BMERB1: variants seen among roughly 807,000 people sequenced by gnomAD.
The protein encoded by BMERB1 is bMERB domain-containing protein 1.
BMERB1 carries 12 observed loss-of-function variants against 23.6 expected under a neutral mutation model. The observed-to-expected ratio is 0.51, with a 90% CI of 0.33 to 0.82. The LOEUF (loss-of-function observed/expected upper bound fraction) is 0.82. BMERB1 is among the 40% of genes least tolerant of loss of function. The pLI is 0.03. For synonymous variants in BMERB1, 122 were observed against 96.6 expected, an observed-to-expected ratio of 1.26 and a Z score of -1.54; for missense variants, 247 against 255.4, an observed-to-expected ratio of 0.97 and a Z score of 0.22.
intron 2 of BMERB1, among the ~76,000 whole-genome samples, chr16:15,553,834 G>A (rs779870536): frequency 4.6e-5 from 7 of 152,128 alleles, no homozygotes; most frequent in African/African-American, 7.2e-5. Context: ...TAGACAGAAG[G>A]TCAAAGGGAG....
chr16:15,550,661 G>C (rs564993525), intron 2 of BMERB1, among the ~76,000 whole-genome samples: 177 of 152,224 alleles, frequency 1.2e-3, no homozygotes, highest in African/African-American at 3.8e-3. Flanking sequence ...GAAGGCTCCT[G>C]ACTGAAAGAA....
At chr16:15,434,870 C>A in intron 1 of BMERB1, 111 bp downstream of exon 1, 1 of 901,852 alleles carries the variant, frequency 1.1e-6, no homozygotes, top group Non-Finnish European at 1.7e-6. Flanking sequence ...GGGAAGCGCC[C>A]CCGCAGCGGG....
At chr16:15,464,578 T>C (rs2051165838) in intron 1 of BMERB1, among the ~76,000 whole-genome samples, 1 of 152,196 alleles carries the variant, frequency 6.6e-6, no homozygotes, top group Non-Finnish European at 1.5e-5. Context: ...AGAGGTGGAT[T>C]ATTCATGAGT....
At chr16:15,494,908 G>A (rs1362085823) in intron 1 of BMERB1, among the ~76,000 whole-genome samples, 1 of 136,506 alleles carries the variant, frequency 7.3e-6, no homozygotes, top group Non-Finnish European at 1.5e-5. Flanking sequence ...TTTTGAGAAG[G>A]AGTCTTGCTC....
intron 1 of BMERB1, among the ~76,000 whole-genome samples, chr16:15,487,100 T>C (rs930175000): frequency 6.6e-6 from 1 of 152,218 alleles, no homozygotes; most frequent in Admixed American, 6.5e-5. Flanking sequence ...AAAATAGGGC[T>C]GAATAACCAT....
chr16:15,448,784 T>A (rs555962018), intron 1 of BMERB1, among the ~76,000 whole-genome samples: 1 of 152,134 alleles, frequency 6.6e-6, no homozygotes, highest in African/African-American at 2.4e-5. Flanking sequence ...AGAGCAAGAA[T>A]CTGTCTCAAA....
intron 1 of BMERB1, among the ~76,000 whole-genome samples, chr16:15,448,770 C>T (rs2051013207): frequency 6.6e-6 from 1 of 152,014 alleles, no homozygotes; most frequent in Non-Finnish European, 1.5e-5. Flanking sequence ...CAAGCCTAGG[C>T]GACAGAGCAA....
intron 1 of BMERB1, among the ~76,000 whole-genome samples, chr16:15,435,678 C>T (rs958306407): frequency 6.6e-6 from 1 of 152,206 alleles, no homozygotes. Context: ...CGCTCTGCCC[C>T]AGCACGGATC....
chr16:15,565,308 A>G (rs2030533944), intron 2 of BMERB1, among the ~76,000 whole-genome samples: 1 of 152,196 alleles, frequency 6.6e-6, no homozygotes, highest in Non-Finnish European at 1.5e-5. Context: ...GCATGAGTAA[A>G]ATGAAAATAT....
chr16:15,524,127 A>G (rs2051882908), intron 2 of BMERB1, among the ~76,000 whole-genome samples: 1 of 152,208 alleles, frequency 6.6e-6, no homozygotes, highest in South Asian at 2.1e-4. Context: ...GTAACTTGAC[A>G]CATTTCAGCC....
chr16:15,485,193 C>A (rs370655477), intron 1 of BMERB1, among the ~76,000 whole-genome samples: 1 of 152,200 alleles, frequency 6.6e-6, no homozygotes, highest in South Asian at 2.1e-4. Flanking sequence ...GAAGAGGTGG[C>A]GGTAGAATAT....
At chr16:15,482,962 G>A (rs753596108) in intron 1 of BMERB1, among the ~76,000 whole-genome samples, 1 of 151,990 alleles carries the variant, frequency 6.6e-6, no homozygotes, top group Non-Finnish European at 1.5e-5. Flanking sequence ...ACACACGCGC[G>A]TAAAACACAT....
intron 1 of BMERB1, among the ~76,000 whole-genome samples, chr16:15,475,595 A>G (rs1882440003): frequency 6.6e-6 from 1 of 152,182 alleles, no homozygotes; most frequent in African/African-American, 2.4e-5. Flanking sequence ...ATGTGACAAA[A>G]TGAATGGAGT....
intron 1 of BMERB1, among the ~76,000 whole-genome samples, chr16:15,492,927 A>AT (rs375210108): frequency 6.6e-5 from 10 of 151,864 alleles, no homozygotes; most frequent in Non-Finnish European, 1.3e-4. Flanking sequence ...TCAAAAAAAA[A>AT]GAAAAAAAAG....
chr16:15,540,264 G>A (rs761587164), intron 2 of BMERB1, among the ~76,000 whole-genome samples: 3 of 152,150 alleles, frequency 2.0e-5, no homozygotes, highest in Admixed American at 6.5e-5. Flanking sequence ...AAGAGAACAC[G>A]CCTGTAATCC....
intron 1 of BMERB1, among the ~76,000 whole-genome samples, chr16:15,491,840 C>A (rs993660532): frequency 1.6e-4 from 25 of 152,144 alleles, no homozygotes; most frequent in African/African-American, 6.0e-4. Context: ...GAGGAGTCCC[C>A]GGGATCAATC....
intron 2 of BMERB1, among the ~76,000 whole-genome samples, chr16:15,521,350 A>G (rs2051851442): frequency 6.6e-6 from 1 of 152,242 alleles, no homozygotes; most frequent in African/African-American, 2.4e-5. Flanking sequence ...AATGTGCTGT[A>G]GAAAAAGAAC....
At chr16:15,456,062 T>C (rs770499220) in intron 1 of BMERB1, among the ~76,000 whole-genome samples, 1 of 152,136 alleles carries the variant, frequency 6.6e-6, no homozygotes, top group Non-Finnish European at 1.5e-5. Flanking sequence ...TAAAAATCTT[T>C]TTAAAGTAAT....
chr16:15,564,533 A>G (rs187741298), intron 2 of BMERB1, among the ~76,000 whole-genome samples: 6 of 152,384 alleles, frequency 3.9e-5, no homozygotes, highest in Non-Finnish European at 7.3e-5. Context: ...AGCGTCTATA[A>G]TTGGTTTATT....
Sources: allele counts gnomAD v4.1 joint callset (sites outside exome capture counted in the v4.1 genomes callset), GRCh38; gene constraint gnomAD v4.1.1; transcripts MANE v1.5; gene names NCBI Gene and HGNC (gene_info 2026-07-23, HGNC 2026-07-21).